Variants in S100PBP observed in about 807,000 individuals in gnomAD.
S100PBP encodes S100P binding protein, also known as S100P-binding protein.
In S100PBP, 15 loss-of-function variants were observed where a neutral mutation model predicts 39.9. The observed-to-expected ratio is 0.38, with a 90% CI of 0.25 to 0.58. S100PBP has a LOEUF of 0.58. Among genes scored for constraint, S100PBP ranks in the 20% least tolerant of loss-of-function variants. The pLI is 0.70. For missense variants in S100PBP, 504 were observed against 487.3 expected (o/e 1.03, Z -0.32); for synonymous variants, 178 against 180.3 (o/e 0.99, Z 0.10).
At chr1:32,831,985 A>C (rs553700680) in intron 5 of S100PBP, among the ~76,000 whole-genome samples, 1 of 152,166 alleles carries the variant, frequency 6.6e-6, no homozygotes, top group African/African-American at 2.4e-5. Context: ...TTACCACAAC[A>C]ATCTATATCC....
At chr1:32,820,551 C>CCA (rs1348012893) in intron 1 of S100PBP, 1 of 152,168 alleles carries the variant, frequency 6.6e-6, no homozygotes, top group African/African-American at 2.4e-5. Context: ...CTCTAGTGTG[C>CCA]CACATTTATG....
In S100PBP at chr1:32,858,633, C is replaced by T. The variant is rs1640902556; in HGVS notation, c.*2595C>T. 6.6e-6 allele frequency: 1 copy of T among 152,168 alleles called. No individual in the cohort carries two copies. Among genetic ancestry groups the T allele is most frequent in the South Asian group, 2.1e-4 (1 of 4,832 alleles). The allele number at this position is 152,168 out of a possible 1,614,324, so 9.4% of individuals were successfully genotyped here. A position where few individuals can be genotyped will look rare whatever the true frequency, so the allele number is the denominator to read the frequency against. On this transcript the variant is annotated 3_prime_UTR_variant, in exon 7 of 7. Transcript: ENST00000373475. ...AGGTGCATTTAACTGCTTTCTTCAT[C>T]CATGACGACATTCCCACCATGGGGG... is the stretch of plus-strand genomic sequence containing the variant.
rs115959445 is a variant in S100PBP at position 32,817,686 on chromosome 1, G to A, written c.-123G>A. Reference sequence around the variant, plus strand: ...TCGCCCAGGCTTTGGCCCGGCTTCCGGAGGTGAAGAGCGGGAGGGACGAGG... The same window carrying A: ...TCGCCCAGGCTTTGGCCCGGCTTCCAGAGGTGAAGAGCGGGAGGGACGAGG... On this transcript the variant is annotated 5_prime_UTR_variant, in exon 1 of 7. Coordinates refer to ENST00000373475, the MANE Select transcript of S100PBP (RefSeq NM_022753.4). 0.019 allele frequency: 4,427 copies of A among 229,464 alleles called. 79 individuals are homozygous for A. The highest frequency in any genetic ancestry group is 0.028 in the Non-Finnish European group (3,093 of 111,524). The allele number at this position is 229,464 out of a possible 1,614,324, so 14.2% of individuals were successfully genotyped here.
Position 32,831,039 on chromosome 1 carries a change from C to T in S100PBP, c.1024+972C>T, listed in dbSNP as rs192032453. Among the ~76,000 whole-genome samples the T allele has an allele frequency of 3.1e-3, 470 of 150,332 alleles. 1 individual carries two copies. Among genetic ancestry groups the T allele is most frequent in the African/African-American group, 0.011 (454 of 40,736 alleles). ...AGGTTGCAGTGAGCCAAGATCATGCCGTCGCACTTTAACATGGGTGACAGA... is the reference window on the plus strand; with the variant it reads ...AGGTTGCAGTGAGCCAAGATCATGCTGTCGCACTTTAACATGGGTGACAGA... On this transcript the variant is annotated intron_variant, in intron 5 of 6. Transcript: ENST00000373475.
At chr1:32,847,888 A>G (rs1419913088) in intron 5 of S100PBP, among the ~76,000 whole-genome samples, 2 of 152,028 alleles carry the variant, frequency 1.3e-5, no homozygotes, top group Non-Finnish European at 2.9e-5. Flanking sequence ...TGGAATAGAG[A>G]TATTATGATA....
chr1:32,817,302 A>T, upstream of S100PBP: 4 of 1,604,068 alleles, frequency 2.5e-6, no homozygotes, highest in Non-Finnish European at 3.4e-6. Flanking sequence ...TTCCTGGGTC[A>T]CCGTCGCCGC....
At position 32,855,919 on chromosome 1, in the gene S100PBP, G is replaced by A. The variant is rs372300966; in HGVS notation, c.1113-5G>A. ...TTCCTGTTTGTACTCTCCCTCTCTC[G>A]ATAGAAACTACGCCCGCCGACAGAA... On this transcript the variant is annotated splice_polypyrimidine_tract_variant and splice_region_variant and intron_variant, in intron 6 of 6. Transcript: ENST00000373475. 149 of 1,607,960 alleles carry A rather than the reference G, an allele frequency of 9.3e-5. No homozygotes were observed. The highest frequency in any genetic ancestry group is 1.2e-4 in the Non-Finnish European group (138 of 1,175,838).
In S100PBP at chr1:32,826,803, C is replaced by G; in HGVS notation, c.704C>G (p.Thr235Arg). The part of the protein sequence containing the change: ...DKNMPDSENP[T>R]SVFSRISDHS... Reference sequence around the variant, plus strand: ...AATATGCCTGACAGTGAGAACCCTACGTCTGTATTCTCTCGGATCTCAGAC... The same window carrying G: ...AATATGCCTGACAGTGAGAACCCTAGGTCTGTATTCTCTCGGATCTCAGAC... Residue 235 changes from threonine to arginine, a missense_variant, in exon 3 of 7, where the codon ACG (threonine) becomes AGG (arginine). Coordinates refer to ENST00000373475, the MANE Select transcript of S100PBP (RefSeq NM_022753.4). The G allele has an allele frequency of 1.2e-6, 2 of 1,613,904 alleles. No individual in the cohort carries two copies. Among genetic ancestry groups the G allele is most frequent in the South Asian group, 1.1e-5 (1 of 91,080 alleles).
At position 32,826,556 on chromosome 1, in the gene S100PBP, C is replaced by G; in HGVS notation, c.457C>G (p.Pro153Ala). The G allele has an allele frequency of 1.2e-6, 2 of 1,613,726 alleles. No individual in the cohort carries two copies. The highest frequency in any genetic ancestry group is 1.7e-5 in the Admixed American group (1 of 60,012). Residue 153 changes from proline (P) to alanine (A), a missense_variant, in exon 3 of 7, where the codon CCA (proline) becomes GCA (alanine). Transcript: ENST00000373475. ...LIKVTVAPFN[P>A]TVCDALLDKD... is the part of the protein sequence containing the mutation. ...AAAAGTAACTGTTGCACCATTTAAT[C>G]CAACAGTTTGTGATGCTCTGCTTGA...
chr1:32,836,451 G>GT (rs955152266), intron 5 of S100PBP: 1,770 of 773,268 alleles, frequency 2.3e-3, no homozygotes, highest in South Asian at 2.6e-3. Flanking sequence ...GTTTTTGTTT[G>GT]TTTTTTTTTA....
At chr1:32,841,877 A>T (rs959109039) in intron 5 of S100PBP, among the ~76,000 whole-genome samples, 2 of 151,304 alleles carry the variant, frequency 1.3e-5, no homozygotes, top group African/African-American at 4.9e-5. Flanking sequence ...TAGATCTATG[A>T]TCCTTTTAAA....
At chr1:32,846,458 C>T (rs375867013) in intron 5 of S100PBP, among the ~76,000 whole-genome samples, 8 of 151,828 alleles carry the variant, frequency 5.3e-5, no homozygotes, top group African/African-American at 1.9e-4. Flanking sequence ...TTAAATCTGC[C>T]ATCGTGTTAC....
upstream of S100PBP, chr1:32,817,119 TG>T: frequency 6.3e-7 from 1 of 1,595,582 alleles, no homozygotes. Context: ...AACCCCGTAA[TG>T]GGGCTCAAAA....
rs150830195 is a variant in S100PBP, at chr1:32,851,453, G to A, written c.1025-1626G>A. Among the ~76,000 whole-genome samples the A allele has an allele frequency of 2.4e-3, 365 of 152,216 alleles. 2 individuals are homozygous for A. The highest frequency in any genetic ancestry group is 8.6e-3 in the African/African-American group (358 of 41,530). ...GAGCAAGGTGGGTGGATCACTTGAG[G>A]TCAGGAGTTCAAGAACAGCCTGGCC... is the stretch of plus-strand genomic sequence containing the variant. On this transcript the variant is annotated intron_variant, in intron 5 of 6. Coordinates refer to ENST00000373475, the MANE Select transcript of S100PBP (RefSeq NM_022753.4).
intron 5 of S100PBP, among the ~76,000 whole-genome samples, chr1:32,851,614 C>T (rs11807277): frequency 2.0e-5 from 3 of 151,490 alleles, no homozygotes; most frequent in South Asian, 2.1e-4. Flanking sequence ...TGCGGTGAGC[C>T]GAGATCACAC....
At chr1:32,854,043 T>G (rs1221321455) in intron 6 of S100PBP, among the ~76,000 whole-genome samples, 1 of 152,216 alleles carries the variant, frequency 6.6e-6, no homozygotes, top group African/African-American at 2.4e-5. Context: ...TATTACAGTT[T>G]TCTGGATTCT....
intron 1 of S100PBP, among the ~76,000 whole-genome samples, chr1:32,823,763 CAAGATTATACATT>C (rs1050818578): frequency 5.9e-5 from 9 of 152,048 alleles, no homozygotes; most frequent in African/African-American, 2.2e-4. Flanking sequence ...GTTTCTCTAG[CAAGATTATACATT>C]AAGATTATAC....
intron 5 of S100PBP, among the ~76,000 whole-genome samples, chr1:32,830,490 A>G (rs543239995): frequency 6.6e-6 from 1 of 152,308 alleles, no homozygotes; most frequent in African/African-American, 2.4e-5. Context: ...ACCATTCTGC[A>G]TTTTGGCTTC....
chr1:32,841,972 C>A (rs1472632940), intron 5 of S100PBP, among the ~76,000 whole-genome samples: 2 of 150,120 alleles, frequency 1.3e-5, no homozygotes, highest in Admixed American at 1.3e-4. Context: ...ATTGCTTGAG[C>A]CCAAGAGTTT....
Sources: allele counts gnomAD v4.1 joint callset (sites outside exome capture counted in the v4.1 genomes callset), GRCh38; gene constraint gnomAD v4.1.1; transcripts MANE v1.5; gene names NCBI Gene and HGNC (gene_info 2026-07-23, HGNC 2026-07-21).